Variants in TECRL observed in about 807,000 individuals in gnomAD.
The protein encoded by TECRL is trans-2,3-enoyl-CoA reductase-like.
A neutral mutation model predicts 52.8 loss-of-function variants in TECRL; 63 were observed. The observed-to-expected ratio is 1.19, with a 90% CI of 0.97 to 1.47. TECRL has a LOEUF of 1.47. Among genes scored for constraint, TECRL ranks in the 40% most tolerant of loss-of-function variants. The pLI is 0.00. For missense variants in TECRL, 482 were observed against 429.6 expected (o/e 1.12, Z -1.08); for synonymous variants, 164 against 141.9 (o/e 1.16, Z -1.10).
intron 2 of TECRL, among the ~76,000 whole-genome samples, chr4:64,364,812 A>T (rs758070466): frequency 2.4e-4 from 36 of 152,116 alleles, no homozygotes; most frequent in Non-Finnish European, 4.4e-4. Context: ...ATTGCAGCCA[A>T]ACTCTACCAG....
chr4:64,409,129 T>C lies in TECRL; in HGVS notation c.223A>G (p.Ile75Val), dbSNP rs371667621. 5.6e-6 allele frequency: 9 copies of C among 1,608,740 alleles called. No individual in the cohort carries two copies. In the African/African-American group the frequency reaches 8.0e-5, roughly 14 times the overall value. Reference sequence around the variant, plus strand: ...ATAAATAAACTCACCTTATCCAGAATACATATCTGTTTCCTTGTTTGAGCA... The same window carrying C: ...ATAAATAAACTCACCTTATCCAGAACACATATCTGTTTCCTTGTTTGAGCA... The part of the protein sequence containing the change: ...FDAQTRKQIC[I>V]LDKVTQSSTI... The change falls in exon 1 of 12, where the codon ATT becomes GTT. Residue 75 changes from isoleucine to valine, a missense_variant. Coordinates refer to ENST00000381210, the MANE Select transcript of TECRL (RefSeq NM_001010874.5).
At chr4:64,344,390 C>T (rs2109542833) in intron 2 of TECRL, among the ~76,000 whole-genome samples, 1 of 151,876 alleles carries the variant, frequency 6.6e-6, no homozygotes, top group South Asian at 2.1e-4. Flanking sequence ...ATATAGGAGT[C>T]TGAAATTCCT....
chr4:64,341,567 TG>T (rs1175806769), intron 2 of TECRL, among the ~76,000 whole-genome samples: 2 of 151,962 alleles, frequency 1.3e-5, no homozygotes, highest in African/African-American at 4.8e-5. Flanking sequence ...ATCACATCAT[TG>T]CACTCCAGCC....
chr4:64,322,551 A>G, intron 4 of TECRL, 138 bp downstream of exon 4: 2 of 494,996 alleles, frequency 4.0e-6, no homozygotes, highest in Non-Finnish European at 6.6e-6. Flanking sequence ...GCCACTCGTC[A>G]TAGTAAGAAT....
intron 2 of TECRL, among the ~76,000 whole-genome samples, chr4:64,372,589 A>G (rs1258814699): frequency 1.3e-5 from 2 of 151,474 alleles, no homozygotes; most frequent in Non-Finnish European, 3.0e-5. Flanking sequence ...TATTACAGTA[A>G]AAAAAGTTCT....
At chr4:64,374,282 G>T (rs1047561124) in intron 2 of TECRL, among the ~76,000 whole-genome samples, 1 of 150,536 alleles carries the variant, frequency 6.6e-6, no homozygotes, top group African/African-American at 2.4e-5. Context: ...TAAATAGATT[G>T]TACTCAAATG....
At chr4:64,403,222 T>C (rs1322331267) in intron 1 of TECRL, among the ~76,000 whole-genome samples, 4 of 151,986 alleles carry the variant, frequency 2.6e-5, no homozygotes, top group Non-Finnish European at 5.9e-5. Flanking sequence ...TCTTCTCTAA[T>C]CCAACAGCTA....
intron 2 of TECRL, among the ~76,000 whole-genome samples, chr4:64,344,448 A>G (rs1008822132): frequency 6.6e-6 from 1 of 152,122 alleles, no homozygotes; most frequent in African/African-American, 2.4e-5. Flanking sequence ...ACAATTTAGG[A>G]CATTTTATAT....
intron 2 of TECRL, 69 bp downstream of exon 2, chr4:64,375,103 T>C (rs749918001): frequency 3.2e-4 from 246 of 767,934 alleles, no homozygotes; most frequent in Admixed American, 9.7e-4. Context: ...ATTGCACTTA[T>C]AGAAAAATTT....
intron 4 of TECRL, among the ~76,000 whole-genome samples, chr4:64,320,207 G>A (rs1717805299): frequency 6.6e-6 from 1 of 151,576 alleles, no homozygotes; most frequent in African/African-American, 2.4e-5. Context: ...AGTTAAATGA[G>A]GCAAGATTTT....
chr4:64,296,799 A>G (rs1274642365), intron 8 of TECRL, among the ~76,000 whole-genome samples: 1 of 151,766 alleles, frequency 6.6e-6, no homozygotes, highest in Non-Finnish European at 1.5e-5. Context: ...ATGGAAATAT[A>G]AAGAGACTAA....
rs558150407 is a variant in TECRL, at chr4:64,363,472, A to G, written c.286+11700T>C. 6.5e-4 allele frequency among the ~76,000 whole-genome samples: 99 copies of G among 152,240 alleles called. 3 individuals are homozygous for G. The highest frequency in any genetic ancestry group is 5.8e-3 in the Admixed American group (89 of 15,254). On this transcript the variant is annotated intron_variant, in intron 2 of 11. Coordinates refer to ENST00000381210, the MANE Select transcript of TECRL (RefSeq NM_001010874.5). Reference sequence around the variant, plus strand: ...GTTTTGCCACGAGAGTACACCCAACAAAGGAGACAGGGTCATTTATAACCT... The same window carrying G: ...GTTTTGCCACGAGAGTACACCCAACGAAGGAGACAGGGTCATTTATAACCT...
In TECRL at chr4:64,278,609, G is replaced by A. The variant is rs746131779; in HGVS notation, c.*1463C>T. ...TTTCAAATATTTATCATTTCTTTTT[G>A]TTGGGGACAAAATCTCCTTTTAGCT... On this transcript the variant is annotated 3_prime_UTR_variant, in exon 12 of 12. Transcript: ENST00000381210. 6.5e-5 allele frequency: 10 copies of A among 153,478 alleles called. No homozygotes were observed. Among genetic ancestry groups the A allele is most frequent in the Admixed American group, 1.3e-4 (2 of 15,232 alleles). 9.5% of individuals were successfully genotyped at this position (153,478 alleles called of 1,614,324 possible).
In TECRL at chr4:64,282,776, ATG is replaced by A. The variant is rs756059343; in HGVS notation, c.833-1219_833-1218del. On this transcript the variant is annotated intron_variant, in intron 9 of 11. Coordinates refer to ENST00000381210, the MANE Select transcript of TECRL (RefSeq NM_001010874.5). ...TATGCCTTATGACACAGAAAAATATATGTATATAGATAATATTGTTTCAAGTA... is the reference window on the plus strand; with the variant it reads ...TATGCCTTATGACACAGAAAAATATATATATAGATAATATTGTTTCAAGTA... 1.4e-3 allele frequency among the ~76,000 whole-genome samples: 218 copies of A among 152,180 alleles called. 2 individuals carry two copies. Among genetic ancestry groups the A allele is most frequent in the Non-Finnish European group, 1.8e-3 (121 of 67,958 alleles).
intron 1 of TECRL, among the ~76,000 whole-genome samples, chr4:64,408,016 T>G (rs183799261): frequency 5.1e-4 from 78 of 151,756 alleles, no homozygotes; most frequent in African/African-American, 1.8e-3. Context: ...ACAGAAATGG[T>G]TTTAGATCTT....
chr4:64,338,760 G>A (rs988344242), intron 2 of TECRL, among the ~76,000 whole-genome samples: 4 of 152,144 alleles, frequency 2.6e-5, no homozygotes, highest in Non-Finnish European at 5.9e-5. Flanking sequence ...TTAGAATGGA[G>A]ATCATTAAAA....
At chr4:64,313,755 G>T (rs1476830026) in intron 5 of TECRL, among the ~76,000 whole-genome samples, 1 of 150,488 alleles carries the variant, frequency 6.6e-6, no homozygotes, top group African/African-American at 2.4e-5. Context: ...TGCTGGGATT[G>T]CAGGCGTGAG....
In TECRL at chr4:64,303,680, C is replaced by T. The variant is rs143572054; in HGVS notation, c.730+1486G>A. The stretch of plus-strand genomic sequence containing the variant: ...CATTTAGCATTTACCTAATAGGAAG[C>T]CTTAATAAAAGTTAATTTATGCTTT... On this transcript the variant is annotated intron_variant, in intron 7 of 11. Coordinates refer to ENST00000381210, the MANE Select transcript of TECRL (RefSeq NM_001010874.5). Among the ~76,000 whole-genome samples the T allele has an allele frequency of 5.4e-3, 818 of 151,742 alleles. 2 individuals carry two copies. The highest frequency in any genetic ancestry group is 0.019 in the African/African-American group (778 of 41,480).
At chr4:64,405,008 AAAAC>A (rs945861087) in intron 1 of TECRL, among the ~76,000 whole-genome samples, 19 of 151,962 alleles carry the variant, frequency 1.3e-4, no homozygotes, top group East Asian at 9.6e-4. Context: ...ACAAGTGTGT[AAAAC>A]AAACAAACAA....
Sources: allele counts gnomAD v4.1 joint callset (sites outside exome capture counted in the v4.1 genomes callset), GRCh38; gene constraint gnomAD v4.1.1; transcripts MANE v1.5; gene names NCBI Gene and HGNC (gene_info 2026-07-23, HGNC 2026-07-21).